Variants in SDK2 observed in about 807,000 individuals in gnomAD.
SDK2 encodes the protein protein sidekick-2.
In SDK2, 105 loss-of-function variants were observed where a neutral mutation model predicts 253.9. The observed-to-expected ratio is 0.41, with a 90% CI of 0.35 to 0.49. The LOEUF (loss-of-function observed/expected upper bound fraction) is 0.49. Ranked by LOEUF, SDK2 falls within the 20% of genes least tolerant of loss-of-function variation. The pLI, the probability that SDK2 is intolerant of heterozygous loss-of-function variation, is 0.06. For synonymous variants in SDK2, 1,249 were observed against 1,234.9 expected (o/e 1.01, Z -0.24); for missense variants, 2,608 against 3,003.0 (o/e 0.87, Z 3.07).
At chr17:73,433,869 C>A (rs747519362) in intron 9 of SDK2, 21 bp from the exon 10 acceptor site, 1 of 1,469,638 alleles carries the variant, frequency 6.8e-7, no homozygotes, top group East Asian at 2.6e-5. Context: ...AGAAGTGGGG[C>A]CTTTTAGCCA....
At chr17:73,382,955 G>C (rs529736630) in intron 33 of SDK2, among the ~76,000 whole-genome samples, 2 of 152,332 alleles carry the variant, frequency 1.3e-5, no homozygotes, top group African/African-American at 4.8e-5. Context: ...CTTGAACCCA[G>C]GAAGCGGAGG....
At chr17:73,399,791 G>A (rs1023894020) in intron 21 of SDK2, among the ~76,000 whole-genome samples, 1 of 152,152 alleles carries the variant, frequency 6.6e-6, no homozygotes, top group Non-Finnish European at 1.5e-5. Context: ...TGGGGCTCTT[G>A]GAGCTCAGGA....
rs1053325663 is a variant in SDK2 at position 73,550,817 on chromosome 17, C to T, written c.65-43220G>A. On this transcript the variant is annotated intron_variant, in intron 1 of 44. Coordinates refer to ENST00000392650, the MANE Select transcript of SDK2 (RefSeq NM_001144952.2). Reference sequence around the variant, plus strand: ...CAAGAGGCCTCTACCATCCCTAGGCCGGAGGGGTCCAGGGAGGAAGTGAGG... The same window carrying T: ...CAAGAGGCCTCTACCATCCCTAGGCTGGAGGGGTCCAGGGAGGAAGTGAGG... 2.6e-5 allele frequency among the ~76,000 whole-genome samples: 4 copies of T among 152,246 alleles called. 1 individual carries two copies.
intron 1 of SDK2, among the ~76,000 whole-genome samples, chr17:73,553,046 G>A (rs561798953): frequency 8.5e-5 from 13 of 152,208 alleles, no homozygotes; most frequent in African/African-American, 1.2e-4. Context: ...CGGCTGCAGC[G>A]TCACGCTGCT....
At position 73,424,146 on chromosome 17, in the gene SDK2, T is replaced by C; in HGVS notation, c.1584-54A>G. The C allele has an allele frequency of 4.0e-6, 6 of 1,488,730 alleles. No homozygotes were observed. In the South Asian group the frequency reaches 4.8e-5, roughly 12 times the overall value. The allele number at this position is 1,488,730 out of a possible 1,614,324, so 92.2% of individuals were successfully genotyped here. Reference sequence around the variant, plus strand: ...GAGGGAGAGGAAGGTACCTTGGGAGTGGGCCTAGCCTGAAGCTTGTCCCGA... The same window carrying C: ...GAGGGAGAGGAAGGTACCTTGGGAGCGGGCCTAGCCTGAAGCTTGTCCCGA... On this transcript the variant is annotated intron_variant, in intron 12 of 44. Coordinates refer to ENST00000392650, the MANE Select transcript of SDK2 (RefSeq NM_001144952.2).
At position 73,424,098 on chromosome 17, in the gene SDK2, A is replaced by T; in HGVS notation, c.1584-6T>A. 1 of 1,609,316 alleles carries T rather than the reference A, an allele frequency of 6.2e-7. No homozygotes were observed. The highest frequency in any genetic ancestry group is 1.1e-5 in the South Asian group (1 of 90,692). On this transcript the variant is annotated splice_region_variant and splice_polypyrimidine_tract_variant and intron_variant, in intron 12 of 44. Coordinates refer to ENST00000392650, the MANE Select transcript of SDK2 (RefSeq NM_001144952.2). ...CGTCCTTCTCCCAGATGTACCTAAA[A>T]GTAAGAAGAACCCGTAAGTACAGAG...
At chr17:73,371,687 C>T (rs561153042) in intron 36 of SDK2, among the ~76,000 whole-genome samples, 8 of 151,938 alleles carry the variant, frequency 5.3e-5, no homozygotes, top group Non-Finnish European at 1.2e-4. Flanking sequence ...AGGCCAGGTG[C>T]GGTGGCTCAC....
chr17:73,513,542 G>A (rs1042612871), intron 1 of SDK2: 1 of 152,186 alleles, frequency 6.6e-6, no homozygotes, highest in East Asian at 1.9e-4. Flanking sequence ...GAGCAATTTG[G>A]CAATGCTATC....
intron 12 of SDK2, among the ~76,000 whole-genome samples, chr17:73,424,526 A>G (rs1316299396): frequency 1.3e-5 from 2 of 152,256 alleles, no homozygotes; most frequent in South Asian, 2.1e-4. Context: ...TCAATGCATC[A>G]GTGTGACAAA....
In SDK2 at chr17:73,612,515, C is replaced by T. The variant is rs751470; in HGVS notation, c.64+31510G>A. On this transcript the variant is annotated intron_variant, in intron 1 of 44. Transcript: ENST00000392650. This position sits in a 1 kb window ranked among gnomAD's most constrained non-coding sequence, Gnocchi z 4.4. The stretch of plus-strand genomic sequence containing the variant: ...GGCCAAGGGAAGGGAGTTCTGCAGC[C>T]GACAAGCCCAGGGTGGCAGCCTGAG... 6.6e-6 allele frequency among the ~76,000 whole-genome samples: 1 copy of T among 151,984 alleles called. No individual in the cohort carries two copies. Among genetic ancestry groups the T allele is most frequent in the East Asian group, 1.9e-4 (1 of 5,176 alleles).
chr17:73,368,270 C>G, intron 37 of SDK2, 137 bp downstream of exon 37: 2 of 768,572 alleles, frequency 2.6e-6, no homozygotes, highest in Non-Finnish European at 3.8e-6. Context: ...CTCTGGGGAC[C>G]TGGGTACCAC....
At chr17:73,419,879 CAA>C (rs869121884) in intron 15 of SDK2, among the ~76,000 whole-genome samples, 41 of 122,760 alleles carry the variant, frequency 3.3e-4, no homozygotes, top group African/African-American at 3.2e-4. Context: ...GACCCTGTCT[CAA>C]AAAAAAAAAA....
intron 1 of SDK2, among the ~76,000 whole-genome samples, chr17:73,565,792 G>A (rs946032061): frequency 3.9e-5 from 6 of 152,304 alleles, no homozygotes; most frequent in Admixed American, 2.6e-4. Context: ...CGTTCTGTTA[G>A]AGAGCTAGTT....
At chr17:73,589,250 G>A (rs1489065302) in intron 1 of SDK2, among the ~76,000 whole-genome samples, 1 of 152,270 alleles carries the variant, frequency 6.6e-6, no homozygotes, top group Non-Finnish European at 1.5e-5. Context: ...GCACGTGAGT[G>A]CAGGTGCACA....
intron 1 of SDK2, among the ~76,000 whole-genome samples, chr17:73,582,773 C>G (rs976800551): frequency 1.3e-5 from 2 of 152,214 alleles, no homozygotes; most frequent in Non-Finnish European, 2.9e-5. Context: ...GGGTCTAGAT[C>G]TGTCCATCCA....
At chr17:73,405,510 ATAT>A (rs1568385781) in intron 18 of SDK2, among the ~76,000 whole-genome samples, 2,923 of 63,192 alleles carry the variant, frequency 0.046, 796 homozygotes, top group African/African-American at 0.073. Context: ...ATATATATAT[ATAT>A]ATATAAAGAT....
chr17:73,420,299 G>A (rs975872360), intron 15 of SDK2, among the ~76,000 whole-genome samples: 1 of 152,182 alleles, frequency 6.6e-6, no homozygotes, highest in Admixed American at 6.5e-5. Flanking sequence ...TTATGTTTTT[G>A]CTTTTTGATG....
chr17:73,406,464 G>T (rs975348876), intron 18 of SDK2, among the ~76,000 whole-genome samples: 2 of 151,642 alleles, frequency 1.3e-5, no homozygotes, highest in African/African-American at 2.4e-5. Context: ...TGGCCATGGT[G>T]GTCTTGAACT....
intron 18 of SDK2, among the ~76,000 whole-genome samples, chr17:73,405,722 TC>T: frequency 6.8e-6 from 1 of 146,710 alleles, no homozygotes. Flanking sequence ...CTCTTATATA[TC>T]TTTTTTTTTT....
Sources: gnomAD v4.1 joint callset for allele counts (sites outside exome capture counted in the v4.1 genomes callset) on GRCh38, gnomAD v4.1.1 for gene constraint, Gnocchi (gnomAD v3.1) non-coding constraint, MANE v1.5 for transcripts, NCBI Gene and HGNC (gene_info 2026-07-23, HGNC 2026-07-21) for gene names.